The following ARHGEF3 variants were observed in gnomAD, a reference collection of about 807,000 sequenced individuals.
The protein encoded by ARHGEF3 is Rho guanine nucleotide exchange factor 3.
Under a neutral mutation model 63.2 loss-of-function variants are expected in ARHGEF3, and 28 were observed. That is an observed-to-expected ratio of 0.44 (90% CI 0.33 to 0.61). The LOEUF (loss-of-function observed/expected upper bound fraction) is 0.61, where lower values mean the gene tolerates loss of function less well. Among genes scored for constraint, ARHGEF3 ranks in the 20% least tolerant of loss-of-function variants. The probability of loss-of-function intolerance (pLI) is 0.03; values close to 1 mark genes in which losing one functional copy is unlikely to be tolerated. For missense variants in ARHGEF3, 533 were observed against 659.3 expected (o/e 0.81, Z 2.10); for synonymous variants, 266 against 254.2 (o/e 1.05, Z -0.44).
intron 6 of ARHGEF3, among the ~76,000 whole-genome samples, chr3:56,748,483 G>T (rs2034528391): frequency 6.6e-6 from 1 of 151,348 alleles, no homozygotes; most frequent in Non-Finnish European, 1.5e-5. Context: ...AGACTATCAA[G>T]AATTTATAAG....
At chr3:57,017,068 G>A (rs1459641230) in intron 2 of ARHGEF3, among the ~76,000 whole-genome samples, 1 of 106,020 alleles carries the variant, frequency 9.4e-6, no homozygotes, top group Non-Finnish European at 2.3e-5. Context: ...ACACACACGA[G>A]TCACCAAACA....
At chr3:56,876,676 C>CA (rs2040594833) in intron 4 of ARHGEF3, among the ~76,000 whole-genome samples, 1 of 137,772 alleles carries the variant, frequency 7.3e-6, no homozygotes, top group African/African-American at 2.5e-5. Context: ...TGCAAATCAG[C>CA]AAAACAAAAA....
chr3:56,974,532 A>G (rs1342105753), intron 2 of ARHGEF3, among the ~76,000 whole-genome samples: 1 of 152,106 alleles, frequency 6.6e-6, no homozygotes, highest in Non-Finnish European at 1.5e-5. Flanking sequence ...TTTTGAAGGG[A>G]TGTTTTGTAA....
intron 3 of ARHGEF3, among the ~76,000 whole-genome samples, chr3:56,947,318 A>G (rs1233148038): frequency 1.3e-5 from 2 of 152,232 alleles, no homozygotes; most frequent in African/African-American, 4.8e-5. Context: ...CTCCAATTAA[A>G]AGACACAGAC....
intron 2 of ARHGEF3, among the ~76,000 whole-genome samples, chr3:56,999,271 G>C (rs923850003): frequency 6.6e-6 from 1 of 152,048 alleles, no homozygotes; most frequent in African/African-American, 2.4e-5. Context: ...GACTGGTCTC[G>C]AACTACTTAC....
At chr3:57,069,395 A>ACACACACACACACG (rs1440363330) in intron 1 of ARHGEF3, among the ~76,000 whole-genome samples, 2 of 151,874 alleles carry the variant, frequency 1.3e-5, no homozygotes, top group African/African-American at 4.8e-5. Context: ...ACACACACAC[A>ACACACACACACACG]CACACACACA....
At chr3:56,982,493 T>C (rs1701363250) in intron 2 of ARHGEF3, among the ~76,000 whole-genome samples, 1 of 152,108 alleles carries the variant, frequency 6.6e-6, no homozygotes, top group African/African-American at 2.4e-5. Context: ...TTGGAAACTG[T>C]GGCCCTCTCC....
chr3:57,046,968 G>A (rs1174398100), intron 1 of ARHGEF3, among the ~76,000 whole-genome samples: 1 of 152,130 alleles, frequency 6.6e-6, no homozygotes, highest in South Asian at 2.1e-4. Flanking sequence ...ATTACACAAT[G>A]ACAAGATTTT....
At chr3:57,068,780 A>G (rs1184035118) in intron 1 of ARHGEF3, among the ~76,000 whole-genome samples, 1 of 152,060 alleles carries the variant, frequency 6.6e-6, no homozygotes, top group South Asian at 2.1e-4. Flanking sequence ...GGGTTAGGTT[A>G]TATCATTGTG....
Position 56,755,189 on chromosome 3 carries a change from G to A in ARHGEF3, c.205-38C>T, listed in dbSNP as rs759557430. 8 of 1,602,590 alleles carry A rather than the reference G, an allele frequency of 5.0e-6. No individual in the cohort carries two copies. In the South Asian group the frequency reaches 8.8e-5, roughly 18 times the overall value. On this transcript the variant is annotated intron_variant, in intron 2 of 9. Coordinates refer to ENST00000296315, the MANE Select transcript of ARHGEF3 (RefSeq NM_019555.3). Reference sequence around the variant, plus strand: ...AAAAACAAACCATCACGGGGGCAGCGGCAGGACTGGGTGGATCTTTGAGCA... The same window carrying A: ...AAAAACAAACCATCACGGGGGCAGCAGCAGGACTGGGTGGATCTTTGAGCA...
intron 3 of ARHGEF3, among the ~76,000 whole-genome samples, chr3:56,952,118 C>T (rs973351476): frequency 6.6e-6 from 1 of 151,930 alleles, no homozygotes; most frequent in South Asian, 2.1e-4. Context: ...TTTAGATCAT[C>T]AAGAGAGAGA....
intron 2 of ARHGEF3, among the ~76,000 whole-genome samples, chr3:56,984,028 C>A (rs1027570028): frequency 6.6e-6 from 1 of 151,690 alleles, no homozygotes; most frequent in East Asian, 1.9e-4. Flanking sequence ...CATAGAAGGA[C>A]CCCACAGTCC....
At chr3:56,750,512 C>T (rs534642230) in intron 6 of ARHGEF3, among the ~76,000 whole-genome samples, 2 of 152,138 alleles carry the variant, frequency 1.3e-5, no homozygotes, top group South Asian at 4.2e-4. Context: ...GCAACCTTTA[C>T]TTATTATCTT....
At chr3:56,954,436 A>T (rs1699951728) in intron 3 of ARHGEF3, among the ~76,000 whole-genome samples, 1 of 152,176 alleles carries the variant, frequency 6.6e-6, no homozygotes, top group African/African-American at 2.4e-5. Flanking sequence ...TACCTGATGG[A>T]GAAGCTGCCT....
chr3:56,968,066 A>AT (rs1700681645), intron 2 of ARHGEF3, among the ~76,000 whole-genome samples: 1 of 51,284 alleles, frequency 1.9e-5, no homozygotes, highest in Non-Finnish European at 3.3e-5. Context: ...TATATAATAT[A>AT]TATAATATAT....
At chr3:57,069,283 C>A (rs1705744690) in intron 1 of ARHGEF3, among the ~76,000 whole-genome samples, 1 of 152,052 alleles carries the variant, frequency 6.6e-6, no homozygotes, top group Non-Finnish European at 1.5e-5. Flanking sequence ...TCTCTTCTCC[C>A]AGAAACAAAC....
At chr3:56,798,523 C>T (rs537162108) in intron 1 of ARHGEF3, among the ~76,000 whole-genome samples, 1 of 134,468 alleles carries the variant, frequency 7.4e-6, no homozygotes, top group African/African-American at 2.6e-5. Flanking sequence ...AGCTTGCTTC[C>T]TTTTCTTTAC....
intron 3 of ARHGEF3, among the ~76,000 whole-genome samples, chr3:56,934,817 G>C (rs1268439811): frequency 6.6e-6 from 1 of 152,238 alleles, no homozygotes; most frequent in Non-Finnish European, 1.5e-5. Flanking sequence ...ACTGCACCCA[G>C]TCCCATCGAC....
chr3:56,747,813 G>T (rs1319249039), intron 6 of ARHGEF3, among the ~76,000 whole-genome samples: 1 of 152,140 alleles, frequency 6.6e-6, no homozygotes, highest in Non-Finnish European at 1.5e-5. Flanking sequence ...GACAGAGAGA[G>T]ACTGTCTCGG....
Sources: gnomAD v4.1 joint callset for allele counts (sites outside exome capture counted in the v4.1 genomes callset) on GRCh38, gnomAD v4.1.1 for gene constraint, MANE v1.5 for transcripts, NCBI Gene and HGNC (gene_info 2026-07-23, HGNC 2026-07-21) for gene names.